The following OPCML variants were observed in gnomAD, a reference collection of about 807,000 sequenced individuals.
OPCML encodes opioid binding protein/cell adhesion molecule like.
In OPCML, 13 loss-of-function variants were observed where a neutral mutation model predicts 37.8. That is an observed-to-expected ratio of 0.34 (90% confidence interval 0.22 to 0.55). The LOEUF (loss-of-function observed/expected upper bound fraction) is 0.55. OPCML is among the 20% of genes least tolerant of loss of function. The probability of loss-of-function intolerance (pLI) is 0.91; values close to 1 mark genes in which losing one functional copy is unlikely to be tolerated. For missense variants in OPCML, 341 were observed against 435.6 expected, an observed-to-expected ratio of 0.78 and a Z score of 1.93; for synonymous variants, 176 against 168.8, an observed-to-expected ratio of 1.04 and a Z score of -0.33.
At chr11:133,379,518 C>T (rs767180604) in intron 1 of OPCML, among the ~76,000 whole-genome samples, 4 of 152,270 alleles carry the variant, frequency 2.6e-5, no homozygotes, top group African/African-American at 4.8e-5. Flanking sequence ...TGCTTTTAAA[C>T]GTGTGTTTCT....
chr11:133,262,604 C>G (rs1267527276), intron 1 of OPCML, among the ~76,000 whole-genome samples: 1 of 152,146 alleles, frequency 6.6e-6, no homozygotes, highest in East Asian at 1.9e-4. Context: ...CATCAATGGC[C>G]AGACACCCTT....
intron 2 of OPCML, 127 bp downstream of exon 2, chr11:132,942,799 G>C (rs991627414): frequency 2.9e-5 from 35 of 1,208,344 alleles, no homozygotes; most frequent in Non-Finnish European, 3.7e-5. Context: ...GCAAGCGGGC[G>C]CCCCTCGGGC....
chr11:132,817,652 C>T (rs1939708667), intron 2 of OPCML, among the ~76,000 whole-genome samples: 1 of 151,988 alleles, frequency 6.6e-6, no homozygotes, highest in Non-Finnish European at 1.5e-5. Context: ...CAGGAGAAAA[C>T]TCAGCTTTAC....
chr11:132,778,048 T>C (rs1946866996), intron 2 of OPCML, among the ~76,000 whole-genome samples: 1 of 152,186 alleles, frequency 6.6e-6, no homozygotes, highest in Non-Finnish European at 1.5e-5. Flanking sequence ...GTTTATGTTC[T>C]CCTGGAAGGC....
At chr11:133,189,459 T>C (rs1219954936) in intron 1 of OPCML, among the ~76,000 whole-genome samples, 1 of 152,208 alleles carries the variant, frequency 6.6e-6, no homozygotes, top group Non-Finnish European at 1.5e-5. Context: ...AAGTGGACTC[T>C]TAATTAGGAA....
At chr11:132,939,234 C>T in intron 2 of OPCML, among the ~76,000 whole-genome samples, 1 of 152,168 alleles carries the variant, frequency 6.6e-6, no homozygotes, top group Middle Eastern at 3.2e-3. Flanking sequence ...CAGAAACACA[C>T]CCAGGCAAAC....
At chr11:133,425,326 C>A (rs912304998) in intron 1 of OPCML, among the ~76,000 whole-genome samples, 3 of 152,178 alleles carry the variant, frequency 2.0e-5, no homozygotes. Flanking sequence ...TTACAGGAAG[C>A]AATACACTTG....
intron 1 of OPCML, among the ~76,000 whole-genome samples, chr11:132,966,753 A>G (rs1591857300): frequency 6.6e-6 from 1 of 152,014 alleles, no homozygotes; most frequent in East Asian, 1.9e-4. Context: ...ACTTATGTTT[A>G]TAATTTTTGT....
At chr11:133,114,812 T>G (rs1228044092) in intron 1 of OPCML, among the ~76,000 whole-genome samples, 1 of 152,174 alleles carries the variant, frequency 6.6e-6, no homozygotes, top group Admixed American at 6.5e-5. Context: ...TCAAAGCAAA[T>G]GGTTGTGAGT....
At chr11:132,941,633 G>A (rs1272485667) in intron 2 of OPCML, among the ~76,000 whole-genome samples, 1 of 152,226 alleles carries the variant, frequency 6.6e-6, no homozygotes, top group African/African-American at 2.4e-5. Context: ...CACATGGCCA[G>A]GAGGACTTTT....
intron 1 of OPCML, among the ~76,000 whole-genome samples, chr11:133,267,785 A>G (rs1941705842): frequency 6.6e-6 from 1 of 152,144 alleles, no homozygotes; most frequent in Admixed American, 6.5e-5. Context: ...AATAAGTCTC[A>G]TGAGATCTGA....
At chr11:132,747,505 T>C (rs1945672126) in intron 2 of OPCML, among the ~76,000 whole-genome samples, 1 of 152,160 alleles carries the variant, frequency 6.6e-6, no homozygotes, top group African/African-American at 2.4e-5. Flanking sequence ...CAGAGAAATT[T>C]TGGTGACTCC....
At chr11:132,646,676 A>G (rs1190342135) in intron 3 of OPCML, among the ~76,000 whole-genome samples, 1 of 152,198 alleles carries the variant, frequency 6.6e-6, no homozygotes, top group Non-Finnish European at 1.5e-5. Context: ...AAAGAGAAAA[A>G]GAGTCAAAGC....
chr11:132,651,157 C>T (rs1047314314), intron 3 of OPCML, among the ~76,000 whole-genome samples: 1 of 152,164 alleles, frequency 6.6e-6, no homozygotes, highest in African/African-American at 2.4e-5. Flanking sequence ...TGACATTTTT[C>T]TCACATAAGA....
intron 3 of OPCML, among the ~76,000 whole-genome samples, chr11:132,560,931 C>T (rs532462282): frequency 3.3e-5 from 5 of 152,092 alleles, no homozygotes; most frequent in Non-Finnish European, 7.4e-5. Flanking sequence ...TAAGTCCTAT[C>T]TATTTATCTT....
At chr11:133,518,355 G>A (rs531947518) in intron 1 of OPCML, among the ~76,000 whole-genome samples, 1 of 151,146 alleles carries the variant, frequency 6.6e-6, no homozygotes, top group East Asian at 1.9e-4. Context: ...GTGCTCATAT[G>A]GGTGGGTGGT....
chr11:132,754,890 T>C (rs1022128077), intron 2 of OPCML, among the ~76,000 whole-genome samples: 2 of 152,090 alleles, frequency 1.3e-5, no homozygotes, highest in Non-Finnish European at 2.9e-5. Context: ...CAACTAAAGA[T>C]TCATCCACAG....
intron 4 of OPCML, among the ~76,000 whole-genome samples, chr11:132,518,789 C>A (rs559193469): frequency 6.6e-6 from 1 of 152,122 alleles, no homozygotes; most frequent in Non-Finnish European, 1.5e-5. Flanking sequence ...GGCTCCAGAC[C>A]GGCAGGAACA....
chr11:133,395,523 GT>G (rs1191759471), intron 1 of OPCML, among the ~76,000 whole-genome samples: 1 of 152,134 alleles, frequency 6.6e-6, no homozygotes, highest in Non-Finnish European at 1.5e-5. Flanking sequence ...TGGTTTCATA[GT>G]TTGAGGTCTT....
Sources: allele counts gnomAD v4.1 joint callset (sites outside exome capture counted in the v4.1 genomes callset), GRCh38; gene constraint gnomAD v4.1.1; transcripts MANE v1.5; gene names NCBI Gene and HGNC (gene_info 2026-07-23, HGNC 2026-07-21).